The following KIF26B variants were observed in gnomAD, a reference collection of about 807,000 sequenced individuals.
KIF26B encodes the protein kinesin-like protein KIF26B.
Under a neutral mutation model 151.2 loss-of-function variants are expected in KIF26B, and 63 were observed. That is an observed-to-expected ratio of 0.42 (90% CI 0.34 to 0.51). The LOEUF (loss-of-function observed/expected upper bound fraction) is 0.51, where lower values mean the gene tolerates loss of function less well. Ranked by LOEUF, KIF26B falls within the 20% of genes least tolerant of loss-of-function variation. KIF26B has a pLI of 0.07. For missense variants in KIF26B, 2,813 were observed against 2,913.6 expected (o/e 0.97, Z 0.79); for synonymous variants, 1,357 against 1,262.1 (o/e 1.08, Z -1.59).
intron 3 of KIF26B, chr1:245,370,501 A>G: frequency 2.4e-6 from 1 of 419,704 alleles, no homozygotes; most frequent in South Asian, 1.7e-5. Flanking sequence ...TACCCAGGCC[A>G]TAGTTTCAAC....
chr1:245,500,580 T>C (rs563694467), intron 4 of KIF26B, among the ~76,000 whole-genome samples: 6 of 152,338 alleles, frequency 3.9e-5, no homozygotes, highest in African/African-American at 1.4e-4. Flanking sequence ...TTGGCAAGCG[T>C]TTCATCTCCT....
At chr1:245,247,569 GGC>G (rs1485558644) in intron 2 of KIF26B, among the ~76,000 whole-genome samples, 1 of 152,226 alleles carries the variant, frequency 6.6e-6, no homozygotes, top group Non-Finnish European at 1.5e-5. Context: ...CGAGAAGCAG[GGC>G]ACGATGGCGT....
At chr1:245,225,503 GA>G (rs1669856061) in intron 2 of KIF26B, among the ~76,000 whole-genome samples, 1 of 152,242 alleles carries the variant, frequency 6.6e-6, no homozygotes, top group African/African-American at 2.4e-5. Flanking sequence ...GGCCGTGTCA[GA>G]GAAGAGGAAT....
chr1:245,534,852 G>T (rs562201969), intron 4 of KIF26B, among the ~76,000 whole-genome samples: 3 of 150,410 alleles, frequency 2.0e-5, no homozygotes, highest in African/African-American at 7.4e-5. Context: ...GCACGATCTC[G>T]GCTCACTGCA....
chr1:245,621,847 T>C (rs2043666017), intron 9 of KIF26B, among the ~76,000 whole-genome samples: 1 of 152,184 alleles, frequency 6.6e-6, no homozygotes, highest in African/African-American at 2.4e-5. Context: ...GAGCAGAGAG[T>C]AGATTTTCCA....
chr1:245,181,419 T>G (rs1668904557), intron 2 of KIF26B, among the ~76,000 whole-genome samples: 1 of 152,058 alleles, frequency 6.6e-6, no homozygotes, highest in Non-Finnish European at 1.5e-5. Context: ...CTACAGAGGC[T>G]GTTGCCAATG....
chr1:245,529,653 C>T (rs1344068059), intron 4 of KIF26B, among the ~76,000 whole-genome samples: 1 of 152,148 alleles, frequency 6.6e-6, no homozygotes, highest in Non-Finnish European at 1.5e-5. Flanking sequence ...TTCGTAGTTA[C>T]TTGGCTTTAA....
At chr1:245,610,053 T>C (rs918798619) in intron 8 of KIF26B, among the ~76,000 whole-genome samples, 1 of 152,190 alleles carries the variant, frequency 6.6e-6, no homozygotes, top group Non-Finnish European at 1.5e-5. Flanking sequence ...CTAAGCCTGT[T>C]GGGAGGGTCT....
At chr1:245,586,910 C>A (rs1239091655) in intron 5 of KIF26B, among the ~76,000 whole-genome samples, 3 of 137,676 alleles carry the variant, frequency 2.2e-5, no homozygotes, top group East Asian at 2.2e-4. Context: ...AAAAAAAAAA[C>A]ATCAAACAAT....
chr1:245,686,471 A>G lies in KIF26B; in HGVS notation c.3488A>G (p.Glu1163Gly). ...GAGCAGCAGGCAGCTACTCCTTCAG[A>G]GTCCAAGAAGGAGATCCTGAGCACC... is the stretch of plus-strand genomic sequence containing the variant. Reference protein sequence around the residue: ...DDEQQAATPSESKKEILSTTM... With the variant: ...DDEQQAATPSGSKKEILSTTM... Residue 1163 changes from glutamate (E) to glycine (G), a missense_variant, in exon 12 of 15, where the codon GAG becomes GGG. Glu to Gly is a moderately conservative substitution (Grantham distance 98). Around this residue, in one of 3 missense-constraint regions of KIF26B, gnomAD observed 2,060 missense variants for 2,088.6 expected, o/e 0.99. Coordinates refer to ENST00000407071, the MANE Select transcript of KIF26B (RefSeq NM_018012.4). The surrounding 1 kb of genome is among the most constrained non-coding windows in gnomAD (Gnocchi z 5.6). The G allele has an allele frequency of 6.2e-7, 1 of 1,613,208 alleles. No individual in the cohort carries two copies. The highest frequency in any genetic ancestry group is 8.5e-7 in the Non-Finnish European group (1 of 1,179,874).
chr1:245,481,475 G>A (rs1660166975), intron 4 of KIF26B, among the ~76,000 whole-genome samples: 1 of 151,898 alleles, frequency 6.6e-6, no homozygotes, highest in Non-Finnish European at 1.5e-5. Flanking sequence ...TGGTGGTTGG[G>A]AACTCAGCAT....
intron 2 of KIF26B, among the ~76,000 whole-genome samples, chr1:245,270,300 CAT>C (rs1287475256): frequency 4.2e-5 from 2 of 47,842 alleles, no homozygotes; most frequent in Admixed American, 4.3e-4. Context: ...CCTTCCCTTC[CAT>C]CTTCCCTTCC....
chr1:245,652,572 G>A (rs2044031447), intron 10 of KIF26B, among the ~76,000 whole-genome samples: 1 of 152,118 alleles, frequency 6.6e-6, no homozygotes. Context: ...TAAGAGTTGA[G>A]GCAGAAGCTG....
chr1:245,356,161 C>T (rs1672693246), intron 2 of KIF26B, among the ~76,000 whole-genome samples: 2 of 152,158 alleles, frequency 1.3e-5, no homozygotes, highest in African/African-American at 4.8e-5. Context: ...TTTCTGAACA[C>T]ACGAGCCCTC....
chr1:245,611,733 C>T, intron 8 of KIF26B, 60 bp from the exon 9 acceptor site: 1 of 1,539,724 alleles, frequency 6.5e-7, no homozygotes, highest in South Asian at 1.2e-5. Context: ...GACACCCAGG[C>T]ATGAGTGACA....
At chr1:245,676,848 A>T (rs1391018076) in intron 10 of KIF26B, among the ~76,000 whole-genome samples, 1 of 152,158 alleles carries the variant, frequency 6.6e-6, no homozygotes, top group Non-Finnish European at 1.5e-5. Context: ...CTGCTGCTTC[A>T]CCAAGAATCG....
Position 245,698,394 on chromosome 1 carries a change from AG to A in KIF26B, c.6027+87del. ...CAGGTGCTAGGCAGGGCCCTGGGGA[AG>A]AAAACTCAGACCCGGGCTTCCCAGC... On this transcript the variant is annotated intron_variant, in intron 13 of 14. Coordinates refer to ENST00000407071, the MANE Select transcript of KIF26B (RefSeq NM_018012.4). The surrounding 1 kb of genome is among the most constrained non-coding windows in gnomAD (Gnocchi z 4.0). 1 of 1,253,636 alleles carries A rather than the reference AG, an allele frequency of 8.0e-7. No individual in the cohort carries two copies. Among genetic ancestry groups the A allele is most frequent in the Non-Finnish European group, 1.1e-6 (1 of 897,814 alleles). The allele number at this position is 1,253,636 out of a possible 1,614,324, so 77.7% of individuals were successfully genotyped here.
intron 9 of KIF26B, among the ~76,000 whole-genome samples, chr1:245,622,147 C>T (rs756262822): frequency 2.6e-5 from 4 of 152,178 alleles, no homozygotes; most frequent in Non-Finnish European, 4.4e-5. Context: ...TTCCATAGCA[C>T]GCTGCTGTGA....
chr1:245,270,002 A>G (rs555284465), intron 2 of KIF26B, among the ~76,000 whole-genome samples: 3 of 152,160 alleles, frequency 2.0e-5, no homozygotes, highest in African/African-American at 7.2e-5. Flanking sequence ...TCTGTTTTTA[A>G]TTTTCTGAGG....
Sources: gnomAD v4.1 joint callset for allele counts (sites outside exome capture counted in the v4.1 genomes callset) on GRCh38, gnomAD v4.1.1 for gene constraint, gnomAD v4.1.1 regional missense constraint, Gnocchi (gnomAD v3.1) non-coding constraint, MANE v1.5 for transcripts, NCBI Gene and HGNC (gene_info 2026-07-23, HGNC 2026-07-21) for gene names.